Variants in KCNQ5 observed in about 807,000 individuals in gnomAD.
KCNQ5 encodes the protein potassium voltage-gated channel subfamily Q member 5.
A neutral mutation model predicts 98.2 loss-of-function variants in KCNQ5; 30 were observed. The ratio of observed to expected loss-of-function variants is 0.31; its 90% CI spans 0.23 to 0.41. The LOEUF (loss-of-function observed/expected upper bound fraction) is 0.41. KCNQ5 is among the 10% of genes least tolerant of loss of function. The pLI, the probability that KCNQ5 is intolerant of heterozygous loss-of-function variation, is 1.00. For missense variants in KCNQ5, 835 were observed against 1,182.5 expected (o/e 0.71, Z 4.31); for synonymous variants, 458 against 449.4 (o/e 1.02, Z -0.24).
chr6:72,876,757 T>C (rs1157648713), intron 1 of KCNQ5, among the ~76,000 whole-genome samples: 2 of 152,190 alleles, frequency 1.3e-5, no homozygotes, highest in African/African-American at 2.4e-5. Context: ...GTTAAAATTG[T>C]TTATCACAGA....
At chr6:72,812,579 T>C (rs1775295836) in intron 1 of KCNQ5, among the ~76,000 whole-genome samples, 1 of 152,148 alleles carries the variant, frequency 6.6e-6, no homozygotes, top group African/African-American at 2.4e-5. Context: ...ATTGCCATGA[T>C]AAAAATCAGT....
chr6:72,917,139 G>A (rs1269474333), intron 1 of KCNQ5, among the ~76,000 whole-genome samples: 1 of 152,156 alleles, frequency 6.6e-6, no homozygotes, highest in African/African-American at 2.4e-5. Context: ...TCTGATGCAG[G>A]GAGGAGTTAG....
chr6:72,876,445 C>G (rs1778412756), intron 1 of KCNQ5, among the ~76,000 whole-genome samples: 1 of 152,148 alleles, frequency 6.6e-6, no homozygotes, highest in Admixed American at 6.5e-5. Flanking sequence ...TAAAATCTTC[C>G]TAAGCACTCA....
intron 1 of KCNQ5, among the ~76,000 whole-genome samples, chr6:72,916,349 T>C (rs1244678613): frequency 1.3e-5 from 2 of 152,308 alleles, no homozygotes; most frequent in East Asian, 3.9e-4. Flanking sequence ...TTTAAATATT[T>C]ACGATTTAGT....
intron 6 of KCNQ5, among the ~76,000 whole-genome samples, chr6:73,106,519 G>A (rs1775008227): frequency 6.6e-6 from 1 of 152,224 alleles, no homozygotes; most frequent in Non-Finnish European, 1.5e-5. Flanking sequence ...AGAGCCATGA[G>A]AGAAAGAACT....
In KCNQ5 at chr6:73,077,899, A is replaced by G; in HGVS notation, c.918+12A>G. The G allele has an allele frequency of 2.5e-6, 4 of 1,575,484 alleles. No individual in the cohort carries two copies. Among genetic ancestry groups the G allele is most frequent in the Non-Finnish European group, 3.4e-6 (4 of 1,165,234 alleles). ...TCTGGTGGGGCACAGTAAGTATAAA[A>G]ATACATTTTTTATTTATTGGATGTT... On this transcript the variant is annotated intron_variant, in intron 5 of 13. Coordinates refer to ENST00000370398, the MANE Select transcript of KCNQ5 (RefSeq NM_019842.4).
At chr6:73,080,356 G>A (rs538236349) in intron 5 of KCNQ5, among the ~76,000 whole-genome samples, 1 of 152,028 alleles carries the variant, frequency 6.6e-6, no homozygotes, top group Non-Finnish European at 1.5e-5. Context: ...TTTTATAAGA[G>A]ATCAAACTTC....
intron 1 of KCNQ5, among the ~76,000 whole-genome samples, chr6:72,767,591 C>T (rs896873454): frequency 4.6e-5 from 7 of 151,680 alleles, no homozygotes; most frequent in Non-Finnish European, 7.4e-5. Context: ...ATTGCATATC[C>T]GATAAGATTA....
intron 1 of KCNQ5, among the ~76,000 whole-genome samples, chr6:72,875,981 C>G (rs960548280): frequency 2.0e-5 from 3 of 151,402 alleles, no homozygotes; most frequent in African/African-American, 7.2e-5. Flanking sequence ...TGTTACTTTT[C>G]TTTTTTATAG....
intron 1 of KCNQ5, among the ~76,000 whole-genome samples, chr6:72,839,315 C>T (rs1368454813): frequency 2.6e-5 from 4 of 152,154 alleles, no homozygotes; most frequent in Non-Finnish European, 5.9e-5. Context: ...ACATTACAAG[C>T]ATTTTTGTTT....
At chr6:72,742,813 G>C (rs1475805492) in intron 1 of KCNQ5, among the ~76,000 whole-genome samples, 4 of 152,136 alleles carry the variant, frequency 2.6e-5, no homozygotes, top group Admixed American at 2.6e-4. Flanking sequence ...TCCAAATGCA[G>C]AAATGAACAT....
intron 1 of KCNQ5, among the ~76,000 whole-genome samples, chr6:72,793,456 A>G (rs1017310675): frequency 3.9e-5 from 6 of 152,172 alleles, no homozygotes; most frequent in African/African-American, 1.4e-4. Flanking sequence ...CCAACAATTT[A>G]ATTATATTTT....
At chr6:72,790,055 A>G (rs1308150381) in intron 1 of KCNQ5, among the ~76,000 whole-genome samples, 1 of 152,190 alleles carries the variant, frequency 6.6e-6, no homozygotes, top group Non-Finnish European at 1.5e-5. Context: ...GTCAAGATAA[A>G]TGTTTGACAA....
intron 11 of KCNQ5, among the ~76,000 whole-genome samples, chr6:73,186,434 A>G (rs1241487091): frequency 6.6e-6 from 1 of 152,224 alleles, no homozygotes; most frequent in Non-Finnish European, 1.5e-5. Flanking sequence ...GATTTTTTTT[A>G]GCATCAGTAA....
chr6:73,009,656 A>G lies in KCNQ5; in HGVS notation c.489+5658A>G, dbSNP rs150255598. Among the ~76,000 whole-genome samples, 629 of 152,302 alleles carry G rather than the reference A, an allele frequency of 4.1e-3. 2 individuals are homozygous for G. Among genetic ancestry groups the G allele is most frequent in the African/African-American group, 0.014 (596 of 41,566 alleles). ...TAGATAGATGAACTAAGAAAAAAGA[A>G]TACTCGAATTAATAGAATCAGAAAT... is the stretch of plus-strand genomic sequence containing the variant. On this transcript the variant is annotated intron_variant, in intron 2 of 13. Coordinates refer to ENST00000370398, the MANE Select transcript of KCNQ5 (RefSeq NM_019842.4).
chr6:72,884,111 A>C (rs1302483063), intron 1 of KCNQ5, among the ~76,000 whole-genome samples: 1 of 152,176 alleles, frequency 6.6e-6, no homozygotes, highest in Admixed American at 6.6e-5. Flanking sequence ...CAATTTAAAA[A>C]CCTGATACAT....
Position 73,198,779 on chromosome 6 carries a change from A to G in KCNQ5, c.*3365A>G, listed in dbSNP as rs1191111052. 1 of 152,244 alleles carries G rather than the reference A, an allele frequency of 6.6e-6. No individual in the cohort carries two copies. The highest frequency in any genetic ancestry group is 1.5e-5 in the Non-Finnish European group (1 of 68,042). 9.4% of individuals were successfully genotyped at this position (152,244 alleles called of 1,614,324 possible). A position where few individuals can be genotyped will look rare whatever the true frequency, so the allele number is the denominator to read the frequency against. ...CATATCCATTTCAAGCTATCATTAA[A>G]GTGTAATTTCCTTTGCTCTCTTTTA... On this transcript the variant is annotated 3_prime_UTR_variant, in exon 14 of 14. Transcript: ENST00000370398.
chr6:72,704,720 A>G (rs952239595), intron 1 of KCNQ5, among the ~76,000 whole-genome samples: 11 of 152,084 alleles, frequency 7.2e-5, no homozygotes, highest in Non-Finnish European at 5.9e-5. Context: ...GAATGTTACT[A>G]TCTGATCTTT....
intron 10 of KCNQ5, among the ~76,000 whole-genome samples, chr6:73,139,873 CCTT>C (rs1181832053): frequency 6.6e-6 from 1 of 152,126 alleles, no homozygotes; most frequent in Non-Finnish European, 1.5e-5. Context: ...CTTGGTGACT[CCTT>C]CTTCCTTCTG....
Sources: gnomAD v4.1 joint callset for allele counts (sites outside exome capture counted in the v4.1 genomes callset) on GRCh38, gnomAD v4.1.1 for gene constraint, MANE v1.5 for transcripts, NCBI Gene and HGNC (gene_info 2026-07-23, HGNC 2026-07-21) for gene names.